Variants in COX8C observed in about 807,000 individuals in gnomAD.
The protein encoded by COX8C is cytochrome c oxidase subunit 8C, mitochondrial.
COX8C carries 3 observed loss-of-function variants against 3.5 expected under a neutral mutation model. The ratio of observed to expected loss-of-function variants is 0.86; its 90% CI spans 0.39 to 2.24. COX8C has a LOEUF of 2.24. Among genes scored for constraint, COX8C ranks in the 30% most tolerant of loss-of-function variants. The probability of loss-of-function intolerance (pLI) is 0.05; values close to 1 mark genes in which losing one functional copy is unlikely to be tolerated. For missense variants in COX8C, 113 were observed against 102.5 expected (o/e 1.10, Z -0.44); for synonymous variants, 46 against 44.1 (o/e 1.04, Z -0.17).
rs61196248 is a variant in COX8C at position 93,348,239 on chromosome 14, C to T, written c.*119C>T. The T allele has an allele frequency of 4.3e-3, 2,791 of 654,932 alleles. 64 individuals carry two copies. In the African/African-American group the frequency reaches 0.044, roughly 10 times the overall value. 40.6% of individuals were successfully genotyped at this position (654,932 alleles called of 1,614,324 possible). ...TGCAACCATTGTGGTATTCACTTTC[C>T]TCATGTTTATGATGAATATTTTGCA... On this transcript the variant is annotated 3_prime_UTR_variant, in exon 2 of 2. Coordinates refer to ENST00000342144, the MANE Select transcript of COX8C (RefSeq NM_182971.3).
Position 93,347,238 on chromosome 14 carries a change from C to G in COX8C, c.-31C>G. Reference sequence around the variant, plus strand: ...CTTGGCCTCACCTCACCTGTGCTGTCCACGCCTGGCTTTGTCTCACCTGAC... The same window carrying G: ...CTTGGCCTCACCTCACCTGTGCTGTGCACGCCTGGCTTTGTCTCACCTGAC... On this transcript the variant is annotated 5_prime_UTR_variant, in exon 1 of 2. Transcript: ENST00000342144. The G allele has an allele frequency of 6.3e-7, 1 of 1,580,814 alleles. No homozygotes were observed. Among genetic ancestry groups the G allele is most frequent in the Non-Finnish European group, 8.6e-7 (1 of 1,163,796 alleles).
In COX8C at chr14:93,347,378, G is replaced by T. The variant is rs199879752; in HGVS notation, c.110G>T (p.Arg37Leu). 1.9e-6 allele frequency: 3 copies of T among 1,539,104 alleles called. No homozygotes were observed. Among genetic ancestry groups the T allele is most frequent in the East Asian group, 4.9e-5 (2 of 40,962 alleles). ...RFAHSGPPRQ[R>L]PLSAAEMAVG... ...GCCCACTCGGGGCCCCCGCGCCAGC[G>T]GCCCCTGTCTGCCGCGGTGAGTTGA... Residue 37 changes from arginine to leucine, a missense_variant, in exon 1 of 2, where the codon CGG becomes CTG. By Grantham distance (102) the Arg-to-Leu change is moderately radical (BLOSUM62 -2). Transcript: ENST00000342144.
At position 93,348,343 on chromosome 14, in the gene COX8C, T is replaced by C. The variant is rs1490814993; in HGVS notation, c.*223T>C. 1.0e-5 allele frequency: 5 copies of C among 487,646 alleles called. No individual in the cohort carries two copies. The highest frequency in any genetic ancestry group is 9.9e-5 in the East Asian group (3 of 30,320). 30.2% of individuals were successfully genotyped at this position (487,646 alleles called of 1,614,324 possible). On this transcript the variant is annotated 3_prime_UTR_variant, in exon 2 of 2. Transcript: ENST00000342144. ...GTGTTAAATAAAACGGAAACACTTA[T>C]TCGTGCTTGGTAATATGTGTGCAGA...
At chr14:93,347,849 TA>T (rs3215681) in intron 1 of COX8C, among the ~76,000 whole-genome samples, 178 bp from the exon 2 acceptor site, 10,946 of 148,296 alleles carry the variant, frequency 0.074, 823 homozygotes, top group African/African-American at 0.19. Flanking sequence ...AAAAATGAAT[TA>T]AAAAAAAAAA....
At position 93,348,260 on chromosome 14, in the gene COX8C, T is replaced by C. The variant is rs769153319; in HGVS notation, c.*140T>C. ...TTTCCTCATGTTTATGATGAATATTTTGCACTTTTTTAGTACTGTGCATTA... is the reference window on the plus strand; with the variant it reads ...TTTCCTCATGTTTATGATGAATATTCTGCACTTTTTTAGTACTGTGCATTA... On this transcript the variant is annotated 3_prime_UTR_variant, in exon 2 of 2. Coordinates refer to ENST00000342144, the MANE Select transcript of COX8C (RefSeq NM_182971.3). The C allele has an allele frequency of 5.8e-5, 36 of 618,862 alleles. No homozygotes were observed. Among genetic ancestry groups the C allele is most frequent in the Non-Finnish European group, 7.6e-5 (26 of 342,932 alleles). 38.3% of individuals were successfully genotyped at this position (618,862 alleles called of 1,614,324 possible).
chr14:93,347,944 G>GT (rs758579578), intron 1 of COX8C, 84 bp from the exon 2 acceptor site: 108 of 822,660 alleles, frequency 1.3e-4, no homozygotes, highest in East Asian at 4.9e-4. Context: ...TGCTCAAAAT[G>GT]TTTTTTTTAA....
At position 93,347,348 on chromosome 14, in the gene COX8C, G is replaced by T; in HGVS notation, c.80G>T (p.Arg27Leu). 2 of 1,500,144 alleles carry T rather than the reference G, an allele frequency of 1.3e-6. No homozygotes were observed. The highest frequency in any genetic ancestry group is 8.9e-7 in the Non-Finnish European group (1 of 1,118,094). 92.9% of individuals were successfully genotyped at this position (1,500,144 alleles called of 1,614,324 possible). The change falls in exon 1 of 2, where the codon CGC becomes CTC. Residue 27 changes from arginine to leucine, a missense_variant. Transcript: ENST00000342144. Reference sequence around the variant, plus strand: ...CTGCTCGGCCTGCAGCCCGCTCCCCGCTTCGCCCACTCGGGGCCCCCGCGC... The same window carrying T: ...CTGCTCGGCCTGCAGCCCGCTCCCCTCTTCGCCCACTCGGGGCCCCCGCGC... The part of the protein sequence containing the change: ...LALLGLQPAP[R>L]FAHSGPPRQR...
chr14:93,347,379 G>T lies in COX8C; in HGVS notation c.111G>T (p.Arg37=), dbSNP rs201840112. ...CCCACTCGGGGCCCCCGCGCCAGCG[G>T]CCCCTGTCTGCCGCGGTGAGTTGAG... The part of the protein sequence containing the change: ...RFAHSGPPRQ[R]PLSAAEMAVG... The change falls in exon 1 of 2, where the codon CGG becomes CGT. Residue 37 remains arginine (R), a synonymous_variant. Coordinates refer to ENST00000342144, the MANE Select transcript of COX8C (RefSeq NM_182971.3). 7,943 of 1,548,870 alleles carry T rather than the reference G, an allele frequency of 5.1e-3. 65 individuals are homozygous for T. The highest frequency in any genetic ancestry group is 0.039 in the Middle Eastern group (201 of 5,128).
At chr14:93,347,735 T>C (rs2053890872) in intron 1 of COX8C, among the ~76,000 whole-genome samples, 1 of 151,916 alleles carries the variant, frequency 6.6e-6, no homozygotes, top group Non-Finnish European at 1.5e-5. Context: ...TCCTCGGACG[T>C]CCTCGGCACT....
chr14:93,347,441 T>G, intron 1 of COX8C, 47 bp downstream of exon 1: 1 of 1,406,428 alleles, frequency 7.1e-7, no homozygotes, highest in Non-Finnish European at 9.2e-7. Context: ...CGCGTGGCCC[T>G]GGCGGGGCGC....
At position 93,347,289 on chromosome 14, in the gene COX8C, C is replaced by T; in HGVS notation, c.21C>T (p.Arg7=). Reference sequence around the variant, plus strand: ...GCGATATGCCTCTCCTGCGTGGGCGCTGTCCTGCCCGCCGCCACTACCGCC... The same window carrying T: ...GCGATATGCCTCTCCTGCGTGGGCGTTGTCCTGCCCGCCGCCACTACCGCC... The part of the protein sequence containing the change: MPLLRG[R]CPARRHYRRL... Residue 7 remains arginine, a synonymous_variant, in exon 1 of 2, where the codon CGC becomes CGT. Coordinates refer to ENST00000342144, the MANE Select transcript of COX8C (RefSeq NM_182971.3). The T allele has an allele frequency of 6.2e-7, 1 of 1,605,290 alleles. No homozygotes were observed. Among genetic ancestry groups the T allele is most frequent in the Non-Finnish European group, 8.5e-7 (1 of 1,177,318 alleles).
At position 93,347,296 on chromosome 14, in the gene COX8C, G is replaced by A. The variant is rs761136486; in HGVS notation, c.28G>A (p.Ala10Thr). The A allele has an allele frequency of 3.7e-6, 6 of 1,604,790 alleles. No homozygotes were observed. The highest frequency in any genetic ancestry group is 1.7e-5 in the Admixed American group (1 of 59,790). Residue 10 changes from alanine (A) to threonine (T), a missense_variant, in exon 1 of 2, where the codon GCC (alanine) becomes ACC (threonine). Ala to Thr is a moderately conservative substitution (Grantham distance 58, BLOSUM62 0). Coordinates refer to ENST00000342144, the MANE Select transcript of COX8C (RefSeq NM_182971.3). Reference protein sequence around the residue: MPLLRGRCPARRHYRRLALL... With the variant: MPLLRGRCPTRRHYRRLALL... ...GCCTCTCCTGCGTGGGCGCTGTCCTGCCCGCCGCCACTACCGCCGCTTGGC... is the reference window on the plus strand; with the variant it reads ...GCCTCTCCTGCGTGGGCGCTGTCCTACCCGCCGCCACTACCGCCGCTTGGC...
chr14:93,347,355 C>T lies in COX8C; in HGVS notation c.87C>T (p.Ala29=). The T allele has an allele frequency of 6.3e-7, 1 of 1,588,078 alleles. No homozygotes were observed. Among genetic ancestry groups the T allele is most frequent in the Non-Finnish European group, 8.5e-7 (1 of 1,172,606 alleles). Residue 29 remains alanine (A), a synonymous_variant, in exon 1 of 2, where the codon GCC becomes GCT. Coordinates refer to ENST00000342144, the MANE Select transcript of COX8C (RefSeq NM_182971.3). ...LLGLQPAPRF[A]HSGPPRQRPL... ...GCCTGCAGCCCGCTCCCCGCTTCGC[C>T]CACTCGGGGCCCCCGCGCCAGCGGC...
At chr14:93,347,790 A>G (rs556313381) in intron 1 of COX8C, among the ~76,000 whole-genome samples, 1 of 152,204 alleles carries the variant, frequency 6.6e-6, no homozygotes, top group Non-Finnish European at 1.5e-5. Flanking sequence ...ATCCTGGGCC[A>G]CATCGAAGTT....
In COX8C at chr14:93,347,387, C is replaced by T. The variant is rs1373735478; in HGVS notation, c.119C>T (p.Ser40Phe). 2 of 1,539,778 alleles carry T rather than the reference C, an allele frequency of 1.3e-6. No homozygotes were observed. Among genetic ancestry groups the T allele is most frequent in the South Asian group, 1.2e-5 (1 of 84,826 alleles). ...GGGCCCCCGCGCCAGCGGCCCCTGT[C>T]TGCCGCGGTGAGTTGAGGCCCAGCC... is the stretch of plus-strand genomic sequence containing the variant. ...HSGPPRQRPL[S>F]AAEMAVGLVV... The change falls in exon 1 of 2, where the codon TCT (serine) becomes TTT (phenylalanine). Residue 40 changes from serine to phenylalanine, a missense_variant. Ser to Phe is a radical substitution (Grantham distance 155, BLOSUM62 -2). Coordinates refer to ENST00000342144, the MANE Select transcript of COX8C (RefSeq NM_182971.3).
At position 93,347,388 on chromosome 14, in the gene COX8C, T is replaced by G. The variant is rs757898633; in HGVS notation, c.120T>G (p.Ser40=). ...GGCCCCCGCGCCAGCGGCCCCTGTC[T>G]GCCGCGGTGAGTTGAGGCCCAGCCA... The part of the protein sequence containing the change: ...HSGPPRQRPL[S]AAEMAVGLVV... The change falls in exon 1 of 2, where the codon TCT becomes TCG. Residue 40 remains serine (S), a synonymous_variant. Coordinates refer to ENST00000342144, the MANE Select transcript of COX8C (RefSeq NM_182971.3). The G allele has an allele frequency of 1.3e-6, 2 of 1,535,628 alleles. No homozygotes were observed. The highest frequency in any genetic ancestry group is 1.7e-6 in the Non-Finnish European group (2 of 1,148,094).
At position 93,348,178 on chromosome 14, in the gene COX8C, T is replaced by C; in HGVS notation, c.*58T>C. 2 of 1,109,908 alleles carry C rather than the reference T, an allele frequency of 1.8e-6. No individual in the cohort carries two copies. The highest frequency in any genetic ancestry group is 2.5e-5 in the South Asian group (2 of 79,190). 68.8% of individuals were successfully genotyped at this position (1,109,908 alleles called of 1,614,324 possible). On this transcript the variant is annotated 3_prime_UTR_variant, in exon 2 of 2. Transcript: ENST00000342144. ...CAAAAAACTTTCAGAAAAAGCTGTG[T>C]TTTTGTTAACGAGCAAAATTGCCTA...
intron 1 of COX8C, 134 bp from the exon 2 acceptor site, chr14:93,347,892 TTA>T (rs1445392642): frequency 5.2e-6 from 3 of 579,450 alleles, no homozygotes; most frequent in Non-Finnish European, 9.3e-6. Flanking sequence ...TTTCAGCATT[TTA>T]GATTTCACTA....
Position 93,347,315 on chromosome 14 carries a change from G to C in COX8C, c.47G>C (p.Arg16Pro). The change falls in exon 1 of 2, where the codon CGC (arginine) becomes CCC (proline). Residue 16 changes from arginine (R) to proline (P), a missense_variant. Transcript: ENST00000342144. ...TGTCCTGCCCGCCGCCACTACCGCC[G>C]CTTGGCCCTGCTCGGCCTGCAGCCC... ...GRCPARRHYR[R>P]LALLGLQPAP... 1 of 1,604,964 alleles carries C rather than the reference G, an allele frequency of 6.2e-7. No individual in the cohort carries two copies. The highest frequency in any genetic ancestry group is 8.5e-7 in the Non-Finnish European group (1 of 1,178,190).
Sources: gnomAD v4.1 joint callset for allele counts (sites outside exome capture counted in the v4.1 genomes callset) on GRCh38, gnomAD v4.1.1 for gene constraint, MANE v1.5 for transcripts, NCBI Gene and HGNC (gene_info 2026-07-23, HGNC 2026-07-21) for gene names.